PRAG1: variants seen among roughly 807,000 people sequenced by gnomAD.
The protein encoded by PRAG1 is PEAK1 related, kinase-activating pseudokinase 1.
PRAG1 carries 110 observed loss-of-function variants against 95.6 expected under a neutral mutation model. That is an observed-to-expected ratio of 1.15 (90% CI 0.99 to 1.35). The LOEUF is 1.35. Among genes scored for constraint, PRAG1 ranks in the 40% most tolerant of loss-of-function variants. The pLI, the probability that PRAG1 is intolerant of heterozygous loss-of-function variation, is 0.00. For missense variants in PRAG1, 2,554 were observed against 1,864.7 expected (o/e 1.37, Z -6.81); for synonymous variants, 1,052 against 819.4 (o/e 1.28, Z -4.85).
At chr8:8,363,294 A>G (rs1799903218) in intron 3 of PRAG1, among the ~76,000 whole-genome samples, 1 of 152,174 alleles carries the variant, frequency 6.6e-6, no homozygotes, top group Admixed American at 6.5e-5. Context: ...CAAAAATTTT[A>G]GGAGTTGTTT....
At chr8:8,338,932 A>G (rs998630557) in intron 4 of PRAG1, among the ~76,000 whole-genome samples, 7 of 152,234 alleles carry the variant, frequency 4.6e-5, no homozygotes, top group Non-Finnish European at 7.3e-5. Context: ...TTTTAGGGAC[A>G]TGCCCAGTGG....
chr8:8,319,075 G>C lies in PRAG1; in HGVS notation c.3300C>G (p.Ala1100=). Residue 1100 remains alanine (A), a synonymous_variant, in exon 6 of 6, where the codon GCC becomes GCG. Coordinates refer to ENST00000615670, the MANE Select transcript of PRAG1 (RefSeq NM_001080826.3). ...VITREVPHQT[A]SDFVRDSAAS... ...CCGCCGAGTCCCGCACGAAGTCGGA[G>C]GCGGTCTGATGTGGCACCTCTCGGG... 2 of 1,611,512 alleles carry C rather than the reference G, an allele frequency of 1.2e-6. No homozygotes were observed. The highest frequency in any genetic ancestry group is 1.7e-6 in the Non-Finnish European group (2 of 1,179,776).
chr8:8,378,679 G>T (rs906259033), intron 2 of PRAG1, among the ~76,000 whole-genome samples: 4 of 151,956 alleles, frequency 2.6e-5, no homozygotes, highest in African/African-American at 9.7e-5. Context: ...GGGCAACATG[G>T]CCAAATCCCA....
At position 8,375,514 on chromosome 8, in the gene PRAG1, A is replaced by G. The variant is rs1800357187; in HGVS notation, c.2162+733T>C. Among the ~76,000 whole-genome samples the G allele has an allele frequency of 2.0e-5, 3 of 151,286 alleles. No individual in the cohort carries two copies. The South Asian group carries it at 6.3e-4, about 32-fold the overall frequency. On this transcript the variant is annotated intron_variant, in intron 3 of 5. Transcript: ENST00000615670. ...CACGCCCAGCCCCATTTTTTTCTTT[A>G]AAAACCCACATCTGAGGGTTCCTAA...
intron 3 of PRAG1, among the ~76,000 whole-genome samples, chr8:8,355,629 A>G (rs1403408784): frequency 1.3e-5 from 2 of 152,196 alleles, no homozygotes; most frequent in Non-Finnish European, 2.9e-5. Context: ...ATCCAGACAT[A>G]CATGGTCAAC....
chr8:8,336,079 T>C (rs1346557661), intron 4 of PRAG1, among the ~76,000 whole-genome samples: 2 of 152,228 alleles, frequency 1.3e-5, no homozygotes, highest in Non-Finnish European at 2.9e-5. Flanking sequence ...CCCTGGTACA[T>C]GTATTCATGC....
intron 2 of PRAG1, 53 bp from the exon 3 acceptor site, chr8:8,378,131 AAGAG>A (rs536509125): frequency 6.7e-7 from 1 of 1,499,886 alleles, no homozygotes; most frequent in African/African-American, 1.4e-5. Context: ...TCATAGAAAA[AAGAG>A]AGAGAGGAAA....
intron 3 of PRAG1, among the ~76,000 whole-genome samples, chr8:8,343,707 G>T (rs1286305675): frequency 1.3e-5 from 2 of 152,142 alleles, no homozygotes; most frequent in African/African-American, 4.8e-5. Flanking sequence ...GACCATAAGG[G>T]TTCTGTTGCA....
At chr8:8,385,301 C>T (rs1800811644) in intron 1 of PRAG1, among the ~76,000 whole-genome samples, 1 of 152,182 alleles carries the variant, frequency 6.6e-6, no homozygotes, top group Non-Finnish European at 1.5e-5. Context: ...CCCTGCCTCC[C>T]TACTCACGCA....
chr8:8,352,697 A>C (rs1222534652), intron 3 of PRAG1, among the ~76,000 whole-genome samples: 3 of 152,054 alleles, frequency 2.0e-5, no homozygotes, highest in Non-Finnish European at 4.4e-5. Context: ...CTCTACCTCT[A>C]CTCTAATTTG....
At chr8:8,347,280 G>A (rs1799377575) in intron 3 of PRAG1, among the ~76,000 whole-genome samples, 1 of 152,162 alleles carries the variant, frequency 6.6e-6, no homozygotes. Context: ...CAGCTTCAGA[G>A]GCAGCCGGAA....
intron 3 of PRAG1, among the ~76,000 whole-genome samples, chr8:8,357,826 G>C (rs1365076234): frequency 6.6e-6 from 1 of 152,198 alleles, no homozygotes; most frequent in Non-Finnish European, 1.5e-5. Context: ...AACACAATAT[G>C]GTTCTGTGAA....
At position 8,326,859 on chromosome 8, in the gene PRAG1, T is replaced by C. The variant is rs1798650111; in HGVS notation, c.3072+851A>G. On this transcript the variant is annotated intron_variant, in intron 5 of 5. Transcript: ENST00000615670. ...CCTCAGATCCTCCATCTGTAAAACCTACCTAACCTGTAGGATTACTGTTAG... is the reference window on the plus strand; with the variant it reads ...CCTCAGATCCTCCATCTGTAAAACCCACCTAACCTGTAGGATTACTGTTAG... 2.0e-5 allele frequency among the ~76,000 whole-genome samples: 3 copies of C among 152,232 alleles called. No homozygotes were observed. The South Asian group carries it at 6.2e-4, about 32-fold the overall frequency.
intron 3 of PRAG1, among the ~76,000 whole-genome samples, chr8:8,348,009 C>A (rs145446055): frequency 1.3e-5 from 2 of 152,084 alleles, no homozygotes; most frequent in Admixed American, 1.3e-4. Context: ...CTCTGCCTCC[C>A]CGGTTCAAGA....
intron 2 of PRAG1, among the ~76,000 whole-genome samples, chr8:8,378,533 G>T (rs1376744028): frequency 6.6e-6 from 1 of 152,158 alleles, no homozygotes; most frequent in Non-Finnish European, 1.5e-5. Flanking sequence ...CATGCCTGAA[G>T]AAATCGAAGT....
intron 3 of PRAG1, chr8:8,374,649 C>T (rs1442956667): frequency 1.0e-6 from 1 of 985,220 alleles, no homozygotes; most frequent in Non-Finnish European, 1.2e-6. Context: ...GGAAGCTCAT[C>T]TTAGCTGCTG....
At chr8:8,348,863 G>C (rs1028854483) in intron 3 of PRAG1, among the ~76,000 whole-genome samples, 3 of 152,170 alleles carry the variant, frequency 2.0e-5, no homozygotes, top group Non-Finnish European at 4.4e-5. Flanking sequence ...TAAATGGTTT[G>C]AGGAGCTGTG....
chr8:8,337,300 A>G (rs1799021846), intron 4 of PRAG1, among the ~76,000 whole-genome samples: 1 of 152,210 alleles, frequency 6.6e-6, no homozygotes, highest in African/African-American at 2.4e-5. Context: ...TTTCAGTTAC[A>G]AGATAAAAGT....
At position 8,377,994 on chromosome 8, in the gene PRAG1, C is replaced by T. The variant is rs34346032; in HGVS notation, c.415G>A (p.Val139Ile). ...GTAGAGGGACCAGCAGGCTTCTGTA[C>T]ACCTCGGAAGCTGCCCAGGTAGACG... ...PVVYLGSFRG[V>I]QKPAGPSTSP... The change falls in exon 3 of 6, where the codon GTA becomes ATA. Residue 139 changes from valine to isoleucine, a missense_variant. By Grantham distance (29) the Val-to-Ile change is conservative. Transcript: ENST00000615670. The T allele has an allele frequency of 1.5e-3, 2,433 of 1,609,760 alleles. 56 individuals are homozygous for T. The East Asian group carries it at 0.048, about 32-fold the overall frequency.
Sources: allele counts gnomAD v4.1 joint callset (sites outside exome capture counted in the v4.1 genomes callset), GRCh38; gene constraint gnomAD v4.1.1; transcripts MANE v1.5; gene names NCBI Gene and HGNC (gene_info 2026-07-23, HGNC 2026-07-21).